The following NR3C2 variants were observed in gnomAD, a reference collection of about 807,000 sequenced individuals.
The protein encoded by NR3C2 is nuclear receptor subfamily 3 group C member 2, also known as mineralocorticoid receptor.
Under a neutral mutation model 86.4 loss-of-function variants are expected in NR3C2, and 15 were observed. The ratio of observed to expected loss-of-function variants is 0.17; its 90% confidence interval spans 0.12 to 0.27. The LOEUF is 0.27. NR3C2 is among the 10% of genes least tolerant of loss of function. NR3C2 has a pLI of 1.00. For synonymous variants in NR3C2, 458 were observed against 450.5 expected (o/e 1.02, Z -0.21); for missense variants, 960 against 1,195.6 (o/e 0.80, Z 2.91).
chr4:148,267,850 T>C (rs1196199726), intron 2 of NR3C2, among the ~76,000 whole-genome samples: 1 of 152,152 alleles, frequency 6.6e-6, no homozygotes, highest in Non-Finnish European at 1.5e-5. Context: ...TTACTGAAAT[T>C]CTTATTTTCA....
chr4:148,188,980 T>A (rs971134081), intron 4 of NR3C2, among the ~76,000 whole-genome samples: 6 of 146,220 alleles, frequency 4.1e-5, no homozygotes, highest in Non-Finnish European at 8.9e-5. Flanking sequence ...CAGGCTGGAG[T>A]GCAGTGGCGC....
intron 3 of NR3C2, among the ~76,000 whole-genome samples, chr4:148,233,295 T>C (rs1278427283): frequency 2.6e-5 from 4 of 152,094 alleles, no homozygotes; most frequent in Non-Finnish European, 2.9e-5. Context: ...TTTTGACAGA[T>C]GTGCAACTCT....
At chr4:148,382,168 A>T (rs919189138) in intron 2 of NR3C2, among the ~76,000 whole-genome samples, 1 of 152,232 alleles carries the variant, frequency 6.6e-6, no homozygotes, top group African/African-American at 2.4e-5. Flanking sequence ...TTATGAAGTT[A>T]AGAGTCAAGT....
rs116536611 is a variant in NR3C2 at position 148,145,066 on chromosome 4, C to T, written c.2510+7403G>A. On this transcript the variant is annotated intron_variant, in intron 6 of 8. Coordinates refer to ENST00000358102, the MANE Select transcript of NR3C2 (RefSeq NM_000901.5). The stretch of plus-strand genomic sequence containing the variant: ...GTTTCTCTAAAATAATAACTGGTGT[C>T]AGCCAGTGCCAGGGAAAGGCAGTCT... Among the ~76,000 whole-genome samples, 1,053 of 152,258 alleles carry T rather than the reference C, an allele frequency of 6.9e-3. 18 individuals are homozygous for T. The highest frequency in any genetic ancestry group is 0.024 in the African/African-American group (984 of 41,546).
intron 2 of NR3C2, among the ~76,000 whole-genome samples, chr4:148,423,475 C>G (rs1440122889): frequency 6.6e-6 from 1 of 152,182 alleles, no homozygotes; most frequent in African/African-American, 2.4e-5. Flanking sequence ...GTCTCCTTGA[C>G]TATTCTAGCC....
At chr4:148,430,898 T>C (rs539066196) in intron 2 of NR3C2, among the ~76,000 whole-genome samples, 3 of 152,292 alleles carry the variant, frequency 2.0e-5, no homozygotes, top group Non-Finnish European at 4.4e-5. Flanking sequence ...CTAAACTGTT[T>C]CATTCTATCG....
intron 2 of NR3C2, among the ~76,000 whole-genome samples, chr4:148,358,835 T>A (rs1460617126): frequency 6.6e-6 from 1 of 152,188 alleles, no homozygotes; most frequent in Non-Finnish European, 1.5e-5. Flanking sequence ...TAATTTGTAA[T>A]TTCCTTAAAA....
intron 3 of NR3C2, among the ~76,000 whole-genome samples, chr4:148,197,912 C>T (rs1375801259): frequency 6.6e-6 from 1 of 152,054 alleles, no homozygotes; most frequent in Non-Finnish European, 1.5e-5. Flanking sequence ...CAGTAGGACT[C>T]AGGGAACTTT....
At chr4:148,089,474 A>G (rs1730966156) in intron 8 of NR3C2, among the ~76,000 whole-genome samples, 1 of 152,236 alleles carries the variant, frequency 6.6e-6, no homozygotes, top group Non-Finnish European at 1.5e-5. Context: ...GGAGCAAGTT[A>G]TTAAAGATGG....
intron 8 of NR3C2, among the ~76,000 whole-genome samples, chr4:148,082,778 G>A (rs531092225): frequency 3.4e-4 from 51 of 151,488 alleles, no homozygotes; most frequent in South Asian, 1.0e-3. Flanking sequence ...TTAGCTCAGC[G>A]GATCCCACCA....
At chr4:148,306,680 C>A in intron 2 of NR3C2, among the ~76,000 whole-genome samples, 1 of 152,068 alleles carries the variant, frequency 6.6e-6, no homozygotes. Flanking sequence ...GTTTAAGTCC[C>A]CAAAATAGGA....
At chr4:148,399,995 T>C (rs1748061839) in intron 2 of NR3C2, among the ~76,000 whole-genome samples, 1 of 152,128 alleles carries the variant, frequency 6.6e-6, no homozygotes, top group African/African-American at 2.4e-5. Context: ...GCAGCTTCTT[T>C]CAACTTATCT....
At chr4:148,238,897 A>T (rs1429156099) in intron 3 of NR3C2, among the ~76,000 whole-genome samples, 2 of 152,200 alleles carry the variant, frequency 1.3e-5, no homozygotes, top group Non-Finnish European at 2.9e-5. Context: ...CCACCTCTAA[A>T]CTGAGTACTG....
chr4:148,343,970 C>T (rs559295671), intron 2 of NR3C2, among the ~76,000 whole-genome samples: 2 of 152,198 alleles, frequency 1.3e-5, no homozygotes, highest in South Asian at 4.1e-4. Flanking sequence ...ATAAGCAGGA[C>T]TAATGTTGGT....
chr4:148,088,254 T>C (rs1730906310), intron 8 of NR3C2, among the ~76,000 whole-genome samples: 1 of 152,222 alleles, frequency 6.6e-6, no homozygotes, highest in Admixed American at 6.5e-5. Context: ...AGAACACTTT[T>C]ATACTGTTTG....
At chr4:148,433,866 T>A (rs1177369373) in intron 2 of NR3C2, among the ~76,000 whole-genome samples, 1 of 152,194 alleles carries the variant, frequency 6.6e-6, no homozygotes, top group Admixed American at 6.5e-5. Flanking sequence ...GTGTTAGAAC[T>A]TATAATTTAA....
intron 4 of NR3C2, among the ~76,000 whole-genome samples, chr4:148,172,452 G>A (rs1426832968): frequency 2.0e-5 from 3 of 152,152 alleles, no homozygotes; most frequent in African/African-American, 7.2e-5. Flanking sequence ...TAAGGATCAA[G>A]ACTTACGTGT....
intron 4 of NR3C2, among the ~76,000 whole-genome samples, chr4:148,168,644 G>A (rs894542356): frequency 1.3e-5 from 2 of 152,182 alleles, no homozygotes; most frequent in Non-Finnish European, 2.9e-5. Context: ...AAAATTATGA[G>A]GGGAAGGCTA....
At chr4:148,394,642 TGACTGCATCACTGCACTTC>T (rs1284023672) in intron 2 of NR3C2, among the ~76,000 whole-genome samples, 6 of 152,188 alleles carry the variant, frequency 3.9e-5, no homozygotes, top group Middle Eastern at 3.4e-3. Flanking sequence ...CAGTGAGCTG[TGACTGCATCACTGCACTTC>T]GACCTCAGGG....
Sources: allele counts gnomAD v4.1 joint callset (sites outside exome capture counted in the v4.1 genomes callset), GRCh38; gene constraint gnomAD v4.1.1; transcripts MANE v1.5; gene names NCBI Gene and HGNC (gene_info 2026-07-23, HGNC 2026-07-21).